The following CTBP2 variants were observed in gnomAD, a reference collection of about 807,000 sequenced individuals.
CTBP2 encodes the protein C-terminal-binding protein 2.
Under a neutral mutation model 80.3 loss-of-function variants are expected in CTBP2, and 30 were observed. The observed-to-expected ratio is 0.37, with a 90% CI of 0.28 to 0.51. The LOEUF is 0.51. Ranked by LOEUF, CTBP2 falls within the 20% of genes least tolerant of loss-of-function variation. The pLI is 0.93. For missense variants in CTBP2, 1,212 were observed against 1,375.3 expected, an observed-to-expected ratio of 0.88 and a Z score of 1.88; for synonymous variants, 594 against 587.4, an observed-to-expected ratio of 1.01 and a Z score of -0.16.
At chr10:125,000,410 C>T (rs1954296634) in intron 3 of CTBP2, 1 of 152,172 alleles carries the variant, frequency 6.6e-6, no homozygotes. Flanking sequence ...TCCACGGAGC[C>T]TGGAAAACGG....
chr10:125,143,999 A>G (rs1316917314), intron 1 of CTBP2, among the ~76,000 whole-genome samples: 1 of 152,212 alleles, frequency 6.6e-6, no homozygotes, highest in African/African-American at 2.4e-5. Flanking sequence ...ATGCAACTCA[A>G]AAAGCACCCA....
Position 124,989,236 on chromosome 10 carries a change from G to T in CTBP2, c.*282C>A. The T allele has an allele frequency of 4.6e-6, 2 of 430,338 alleles. No individual in the cohort carries two copies. Among genetic ancestry groups the T allele is most frequent in the East Asian group, 5.2e-5 (1 of 19,128 alleles). 26.7% of individuals were successfully genotyped at this position (430,338 alleles called of 1,614,324 possible). On this transcript the variant is annotated 3_prime_UTR_variant, in exon 9 of 9. Transcript: ENST00000309035. ...GCCCAAGGGACTGATAAAGGAAAAAGCTCTATTTATTCTTTTTGTGATTTG... is the reference window on the plus strand; with the variant it reads ...GCCCAAGGGACTGATAAAGGAAAAATCTCTATTTATTCTTTTTGTGATTTG...
In CTBP2 at chr10:125,089,598, G is replaced by A. The variant is rs890162072; in HGVS notation, c.-102+21392C>T. ...CAGGCAGGCACAGCTCAAAGTGGCTGAACACACCCAGAAGGACCAGCCAGA... is the reference window on the plus strand; with the variant it reads ...CAGGCAGGCACAGCTCAAAGTGGCTAAACACACCCAGAAGGACCAGCCAGA... On this transcript the variant is annotated intron_variant, in intron 2 of 10. Transcript: ENST00000337195. 7.2e-4 allele frequency among the ~76,000 whole-genome samples: 109 copies of A among 152,174 alleles called. 1 individual carries two copies. Among genetic ancestry groups the A allele is most frequent in the African/African-American group, 2.6e-3 (106 of 41,450 alleles).
intron 2 of CTBP2, among the ~76,000 whole-genome samples, chr10:125,063,567 C>G (rs1844162380): frequency 6.6e-6 from 1 of 152,254 alleles, no homozygotes; most frequent in Non-Finnish European, 1.5e-5. Context: ...TGCTCATCCT[C>G]TGGCTCCCCT....
At chr10:125,117,247 C>T (rs1268609776) in intron 1 of CTBP2, among the ~76,000 whole-genome samples, 4 of 152,206 alleles carry the variant, frequency 2.6e-5, no homozygotes, top group Non-Finnish European at 4.4e-5. Context: ...GGATGGCCGC[C>T]AGCTGGCTCT....
chr10:125,101,659 C>T (rs893781468), intron 2 of CTBP2, among the ~76,000 whole-genome samples: 2 of 152,184 alleles, frequency 1.3e-5, no homozygotes, highest in African/African-American at 2.4e-5. Context: ...CAGACCTTCA[C>T]GACCAAGAAA....
intron 2 of CTBP2, among the ~76,000 whole-genome samples, chr10:125,084,697 G>A (rs748295437): frequency 1.3e-5 from 2 of 152,164 alleles, no homozygotes; most frequent in Non-Finnish European, 2.9e-5. Flanking sequence ...TCCCCTGGCA[G>A]AGGGTGGGTC....
At chr10:125,020,500 C>T (rs1956932558) in intron 1 of CTBP2, among the ~76,000 whole-genome samples, 1 of 152,216 alleles carries the variant, frequency 6.6e-6, no homozygotes, top group South Asian at 2.1e-4. Context: ...CTTGTGGAGA[C>T]AGACAGAAGA....
At chr10:125,142,761 C>T (rs1320935645) in intron 1 of CTBP2, among the ~76,000 whole-genome samples, 4 of 152,178 alleles carry the variant, frequency 2.6e-5, no homozygotes, top group Non-Finnish European at 5.9e-5. Context: ...AGCCAGCACA[C>T]ACCCCACCAG....
intron 1 of CTBP2, among the ~76,000 whole-genome samples, chr10:125,127,299 A>G (rs1340843814): frequency 6.6e-6 from 1 of 151,942 alleles, no homozygotes; most frequent in African/African-American, 2.4e-5. Flanking sequence ...AACAAGCCCA[A>G]TCCTGCCCTG....
chr10:125,078,779 T>G (rs988779837), intron 2 of CTBP2, among the ~76,000 whole-genome samples: 2 of 152,104 alleles, frequency 1.3e-5, no homozygotes, highest in Non-Finnish European at 2.9e-5. Context: ...CCAATAATAA[T>G]GTTCTTTCTT....
At chr10:125,039,833 T>A (rs1260140321) in intron 2 of CTBP2, among the ~76,000 whole-genome samples, 2 of 152,204 alleles carry the variant, frequency 1.3e-5, no homozygotes, top group Non-Finnish European at 2.9e-5. Flanking sequence ...TGACACTTGG[T>A]TCCAGCTATA....
At chr10:125,103,182 C>T (rs1176916224) in intron 2 of CTBP2, among the ~76,000 whole-genome samples, 2 of 152,216 alleles carry the variant, frequency 1.3e-5, no homozygotes, top group Non-Finnish European at 2.9e-5. Context: ...TCCCAGCTAA[C>T]ACAGAACCAA....
At chr10:125,155,936 T>C (rs11245522) in intron 1 of CTBP2, among the ~76,000 whole-genome samples, 35,491 of 152,056 alleles carry the variant, frequency 0.23, 4,252 homozygotes, top group South Asian at 0.34. Context: ...ATGTGCCCAC[T>C]AAAAGTTTTC....
rs76159337 is a variant in CTBP2 at position 125,080,943 on chromosome 10, T to C, written c.-102+30047A>G. On this transcript the variant is annotated intron_variant, in intron 2 of 10. Coordinates refer to the CTBP2 transcript ENST00000337195. Reference sequence around the variant, plus strand: ...TGGTATGTTACGATGCACAAAATCATGTACAGGACTTAAAAAAAAAAAAAA... The same window carrying C: ...TGGTATGTTACGATGCACAAAATCACGTACAGGACTTAAAAAAAAAAAAAA... Among the ~76,000 whole-genome samples the C allele has an allele frequency of 4.3e-3, 629 of 147,002 alleles. 7 individuals carry two copies. The highest frequency in any genetic ancestry group is 0.015 in the African/African-American group (589 of 39,360).
intron 4 of CTBP2, 113 bp downstream of exon 6, chr10:124,997,851 C>A (rs1271980420): frequency 3.4e-5 from 40 of 1,163,634 alleles, no homozygotes; most frequent in Non-Finnish European, 4.8e-5. Context: ...GGTGCTGGCC[C>A]TGCCTGCCCT....
chr10:125,078,279 C>CAAAA (rs1214515506), intron 2 of CTBP2, among the ~76,000 whole-genome samples: 35 of 80,078 alleles, frequency 4.4e-4, no homozygotes, highest in Non-Finnish European at 5.3e-4. Flanking sequence ...GACTCCGTCT[C>CAAAA]AAAAAAAAAA....
intron 1 of CTBP2, among the ~76,000 whole-genome samples, chr10:125,121,507 C>T (rs1854316480): frequency 6.6e-6 from 1 of 152,136 alleles, no homozygotes; most frequent in African/African-American, 2.4e-5. Flanking sequence ...GCTAAACCCA[C>T]CATGTACAAA....
chr10:125,062,281 CTTTTA>C (rs1965124549), intron 2 of CTBP2, among the ~76,000 whole-genome samples: 1 of 152,116 alleles, frequency 6.6e-6, no homozygotes, highest in South Asian at 2.1e-4. Context: ...AATGTTAGTC[CTTTTA>C]TTTTAGGAAA....
Sources: allele counts gnomAD v4.1 joint callset (sites outside exome capture counted in the v4.1 genomes callset), GRCh38; gene constraint gnomAD v4.1.1; transcripts MANE v1.5; gene names NCBI Gene and HGNC (gene_info 2026-07-23, HGNC 2026-07-21).